Variants in PLCL1 observed in about 807,000 individuals in gnomAD.
PLCL1 encodes inactive phospholipase C-like protein 1.
PLCL1 carries 41 observed loss-of-function variants against 84.4 expected under a neutral mutation model. The observed-to-expected ratio is 0.49, with a 90% CI of 0.38 to 0.63. PLCL1 has a LOEUF of 0.63. PLCL1 is among the 30% of genes least tolerant of loss of function. PLCL1 has a pLI of 0.00. For missense variants in PLCL1, 1,206 were observed against 1,367.8 expected (o/e 0.88, Z 1.87); for synonymous variants, 490 against 488.3 (o/e 1.00, Z -0.05).
intron 1 of PLCL1, among the ~76,000 whole-genome samples, chr2:197,980,855 G>A (rs865925132): frequency 4.6e-5 from 7 of 152,098 alleles, no homozygotes; most frequent in African/African-American, 1.2e-4. Flanking sequence ...GAAATTAATC[G>A]AGTAATATGG....
At chr2:197,904,816 G>A (rs1377245297) in intron 1 of PLCL1, among the ~76,000 whole-genome samples, 2 of 152,034 alleles carry the variant, frequency 1.3e-5, no homozygotes, top group Non-Finnish European at 2.9e-5. Context: ...GAAAAATTTT[G>A]TTTGTTGCAT....
chr2:198,034,179 G>A (rs1199021819), intron 1 of PLCL1, among the ~76,000 whole-genome samples: 1 of 146,736 alleles, frequency 6.8e-6, no homozygotes, highest in Admixed American at 6.8e-5. Flanking sequence ...GGTGTGTGAT[G>A]TCCCCCTTCC....
chr2:197,819,883 CAT>C (rs1491306686), intron 1 of PLCL1, among the ~76,000 whole-genome samples: 26 of 134,558 alleles, frequency 1.9e-4, no homozygotes, highest in East Asian at 8.5e-4. Context: ...CACTATTATG[CAT>C]GTGTGTGTGT....
rs112336365 is a variant in PLCL1 at position 197,868,597 on chromosome 2, G to A, written c.240+63258G>A. Among the ~76,000 whole-genome samples, 689 of 151,982 alleles carry A rather than the reference G, an allele frequency of 4.5e-3. 6 individuals carry two copies. Among genetic ancestry groups the A allele is most frequent in the African/African-American group, 0.015 (641 of 41,456 alleles). ...CTGACTGGAGCCTCATCTCCTGGGCGCAAGTGATCCTCCCACCTCAGCCTC... is the reference window on the plus strand; with the variant it reads ...CTGACTGGAGCCTCATCTCCTGGGCACAAGTGATCCTCCCACCTCAGCCTC... On this transcript the variant is annotated intron_variant, in intron 1 of 5. Transcript: ENST00000428675.
At chr2:197,844,007 T>A in intron 1 of PLCL1, among the ~76,000 whole-genome samples, 1 of 152,178 alleles carries the variant, frequency 6.6e-6, no homozygotes, top group East Asian at 1.9e-4. Flanking sequence ...TCAAGTTTTA[T>A]GCAATTAGAA....
chr2:197,964,267 A>G (rs1391545079), intron 1 of PLCL1, among the ~76,000 whole-genome samples: 7 of 151,924 alleles, frequency 4.6e-5, no homozygotes, highest in Non-Finnish European at 1.0e-4. Flanking sequence ...GTCCTTTTCC[A>G]TGTCTTTCAT....
intron 1 of PLCL1, among the ~76,000 whole-genome samples, chr2:198,044,699 A>G (rs1243777758): frequency 2.6e-5 from 4 of 152,154 alleles, no homozygotes; most frequent in Admixed American, 6.5e-5. Flanking sequence ...AGAAATTTTG[A>G]AAAATGGAGA....
At chr2:198,058,636 A>G (rs1289623335) in intron 1 of PLCL1, among the ~76,000 whole-genome samples, 3 of 151,706 alleles carry the variant, frequency 2.0e-5, no homozygotes, top group Non-Finnish European at 4.4e-5. Context: ...CTTTAATTAT[A>G]TTCTATATAA....
chr2:197,946,322 G>A (rs935150928), intron 1 of PLCL1, among the ~76,000 whole-genome samples: 8 of 152,080 alleles, frequency 5.3e-5, no homozygotes, highest in Non-Finnish European at 7.4e-5. Context: ...AAAGTCGAGA[G>A]GGGAACAGAA....
At chr2:197,971,447 A>G (rs1689862037) in intron 1 of PLCL1, among the ~76,000 whole-genome samples, 1 of 152,252 alleles carries the variant, frequency 6.6e-6, no homozygotes, top group African/African-American at 2.4e-5. Flanking sequence ...CACTTAATAA[A>G]TTATAGCTAT....
intron 1 of PLCL1, among the ~76,000 whole-genome samples, chr2:198,031,534 A>G (rs191339543): frequency 1.3e-5 from 2 of 151,974 alleles, no homozygotes; most frequent in African/African-American, 4.8e-5. Flanking sequence ...TCTGCCACCC[A>G]TGCTGGAATG....
Position 198,085,107 on chromosome 2 carries a change from A to C in PLCL1, c.1590A>C (p.Pro530=). The C allele has an allele frequency of 6.2e-7, 1 of 1,614,140 alleles. No homozygotes were observed. Among genetic ancestry groups the C allele is most frequent in the Non-Finnish European group, 8.5e-7 (1 of 1,179,992 alleles). Residue 530 remains proline (P), a synonymous_variant, in exon 2 of 6, where the codon CCA becomes CCC. Coordinates refer to ENST00000428675, the MANE Select transcript of PLCL1 (RefSeq NM_006226.4). The surrounding 1 kb of genome is among the most constrained non-coding windows in gnomAD (Gnocchi z 5.3). The stretch of plus-strand genomic sequence containing the variant: ...CCTCAGAATCCTACCTCCCATCACC[A>C]GAAAAATTAAAAAGAATGATCATTG... The part of the protein sequence containing the change: ...PLPSESYLPS[P]EKLKRMIIVK...
intron 1 of PLCL1, among the ~76,000 whole-genome samples, chr2:198,082,854 CT>C (rs2105895258): frequency 6.6e-6 from 1 of 152,228 alleles, no homozygotes. Flanking sequence ...AATAAACCTG[CT>C]TAAGATACCC....
At chr2:197,815,762 G>A (rs901269728) in intron 1 of PLCL1, among the ~76,000 whole-genome samples, 12 of 152,084 alleles carry the variant, frequency 7.9e-5, no homozygotes, top group African/African-American at 2.7e-4. Context: ...TCAGGACTTC[G>A]GTGGGGGAAG....
chr2:198,067,607 A>T (rs571736685), intron 1 of PLCL1, among the ~76,000 whole-genome samples: 1 of 152,316 alleles, frequency 6.6e-6, no homozygotes, highest in Non-Finnish European at 1.5e-5. Context: ...GAACTAGAAA[A>T]GCATAGTAGT....
At chr2:198,008,992 G>A (rs1690801297) in intron 1 of PLCL1, among the ~76,000 whole-genome samples, 1 of 151,922 alleles carries the variant, frequency 6.6e-6, no homozygotes, top group Admixed American at 6.6e-5. Flanking sequence ...TGGGCCATTT[G>A]TATATCTTCT....
intron 1 of PLCL1, among the ~76,000 whole-genome samples, chr2:197,925,781 C>CT (rs1688820056): frequency 6.6e-6 from 1 of 152,034 alleles, no homozygotes; most frequent in East Asian, 1.9e-4. Context: ...CCAGAGCCTC[C>CT]TGCCAAACCT....
rs561012660 is a variant in PLCL1 at position 197,859,822 on chromosome 2, A to G, written c.240+54483A>G. ...TTGGATAAATACATTCTATGATATA[A>G]GCACAATTACAAAATTGCCTAACAG... On this transcript the variant is annotated intron_variant, in intron 1 of 5. Transcript: ENST00000428675. Among the ~76,000 whole-genome samples the G allele has an allele frequency of 7.5e-4, 115 of 152,336 alleles. 1 individual carries two copies. Among genetic ancestry groups the G allele is most frequent in the African/African-American group, 2.7e-3 (113 of 41,584 alleles).
In PLCL1 at chr2:197,863,650, C is replaced by G. The variant is rs546037906; in HGVS notation, c.240+58311C>G. Among the ~76,000 whole-genome samples, 4 of 152,218 alleles carry G rather than the reference C, an allele frequency of 2.6e-5. No homozygotes were observed. The South Asian group carries it at 8.3e-4, about 32-fold the overall frequency. On this transcript the variant is annotated intron_variant, in intron 1 of 5. Coordinates refer to ENST00000428675, the MANE Select transcript of PLCL1 (RefSeq NM_006226.4). Reference sequence around the variant, plus strand: ...ATATCATAAAATTTCCTTTTATTATCATAGATTACTGTATAAATAGGTGAT... The same window carrying G: ...ATATCATAAAATTTCCTTTTATTATGATAGATTACTGTATAAATAGGTGAT...
Sources: allele counts gnomAD v4.1 joint callset (sites outside exome capture counted in the v4.1 genomes callset), GRCh38; gene constraint gnomAD v4.1.1; non-coding constraint Gnocchi (gnomAD v3.1); transcripts MANE v1.5; gene names NCBI Gene and HGNC (gene_info 2026-07-23, HGNC 2026-07-21).